CARMIL1: variants seen among roughly 807,000 people sequenced by gnomAD.
The protein encoded by CARMIL1 is F-actin-uncapping protein LRRC16A.
A neutral mutation model predicts 177.1 loss-of-function variants in CARMIL1; 90 were observed. That is an observed-to-expected ratio of 0.51 (90% CI 0.43 to 0.61). The LOEUF is 0.61. Ranked by LOEUF, CARMIL1 falls within the 20% of genes least tolerant of loss-of-function variation. The probability of loss-of-function intolerance (pLI) is 0.00; values close to 1 mark genes in which losing one functional copy is unlikely to be tolerated. For missense variants in CARMIL1, 1,380 were observed against 1,667.0 expected, an observed-to-expected ratio of 0.83 and a Z score of 3.00; for synonymous variants, 577 against 606.2, an observed-to-expected ratio of 0.95 and a Z score of 0.71.
chr6:25,557,013 G>A (rs1335671666), intron 29 of CARMIL1, among the ~76,000 whole-genome samples, 163 bp downstream of exon 29: 2 of 151,446 alleles, frequency 1.3e-5, no homozygotes, highest in Non-Finnish European at 2.9e-5. Context: ...CGCTAATGAA[G>A]TGAATAAAGC....
chr6:25,521,769 CAA>C (rs34016230), intron 23 of CARMIL1, among the ~76,000 whole-genome samples: 42 of 93,982 alleles, frequency 4.5e-4, no homozygotes, highest in South Asian at 3.8e-4. Flanking sequence ...GATTCCATCT[CAA>C]AAAAAAAAAA....
At chr6:25,371,663 T>C (rs1333087981) in intron 2 of CARMIL1, among the ~76,000 whole-genome samples, 1 of 152,218 alleles carries the variant, frequency 6.6e-6, no homozygotes, top group East Asian at 1.9e-4. Context: ...TGGGTATTAG[T>C]TCTTTGTAGG....
At chr6:25,495,889 A>G (rs1237552873) in intron 16 of CARMIL1, among the ~76,000 whole-genome samples, 1 of 152,136 alleles carries the variant, frequency 6.6e-6, no homozygotes, top group Non-Finnish European at 1.5e-5. Flanking sequence ...GTAGGGTCAA[A>G]TTCTCTTTGA....
chr6:25,579,968 T>A (rs1812978758), intron 29 of CARMIL1, among the ~76,000 whole-genome samples: 1 of 152,210 alleles, frequency 6.6e-6, no homozygotes, highest in African/African-American at 2.4e-5. Context: ...GTTCTTTCAG[T>A]TATGTTACCT....
intron 2 of CARMIL1, among the ~76,000 whole-genome samples, chr6:25,300,457 A>G (rs1436126744): frequency 6.6e-6 from 1 of 152,204 alleles, no homozygotes; most frequent in African/African-American, 2.4e-5. Context: ...ACTTGAGGCC[A>G]GGAGTTCGAG....
At chr6:25,311,539 G>T (rs985367139) in intron 2 of CARMIL1, among the ~76,000 whole-genome samples, 1 of 142,356 alleles carries the variant, frequency 7.0e-6, no homozygotes, top group Non-Finnish European at 1.5e-5. Flanking sequence ...GATATATAGA[G>T]CGGGGGAAAA....
intron 2 of CARMIL1, among the ~76,000 whole-genome samples, chr6:25,353,043 T>C (rs1033288477): frequency 1.3e-4 from 20 of 152,192 alleles, no homozygotes; most frequent in Non-Finnish European, 2.5e-4. Flanking sequence ...CTGCTATCTT[T>C]TGGCCATCAC....
intron 2 of CARMIL1, among the ~76,000 whole-genome samples, chr6:25,413,831 C>T (rs1448678500): frequency 6.6e-6 from 1 of 152,014 alleles, no homozygotes; most frequent in Non-Finnish European, 1.5e-5. Context: ...TTTAACTTTG[C>T]AAGAAAATTC....
At chr6:25,529,793 C>T (rs1360536844) in intron 24 of CARMIL1, among the ~76,000 whole-genome samples, 1 of 127,600 alleles carries the variant, frequency 7.8e-6, no homozygotes, top group Admixed American at 7.8e-5. Flanking sequence ...AAAGAATAGG[C>T]TGCTATGAAC....
chr6:25,495,538 CGT>C (rs144132253), intron 16 of CARMIL1, among the ~76,000 whole-genome samples: 65,111 of 144,704 alleles, frequency 0.45, 14,686 homozygotes, highest in South Asian at 0.56. Flanking sequence ...TTCGTTTGTT[CGT>C]GTGTGTGTGT....
chr6:25,382,888 G>A (rs1791716512), intron 2 of CARMIL1, among the ~76,000 whole-genome samples: 1 of 152,196 alleles, frequency 6.6e-6, no homozygotes, highest in East Asian at 1.9e-4. Context: ...GCCTGCCTGG[G>A]CCTCCCAAAG....
At chr6:25,279,912 T>C in intron 1 of CARMIL1, 77 bp downstream of exon 1, 1 of 1,525,664 alleles carries the variant, frequency 6.6e-7, no homozygotes, top group Non-Finnish European at 9.1e-7. Flanking sequence ...CACCTCTGCT[T>C]TCCCGCAGGT....
At chr6:25,382,914 C>A (rs1436653880) in intron 2 of CARMIL1, among the ~76,000 whole-genome samples, 1 of 152,192 alleles carries the variant, frequency 6.6e-6, no homozygotes, top group Non-Finnish European at 1.5e-5. Flanking sequence ...GGATTACAGG[C>A]ATGAGCCACA....
chr6:25,574,094 C>A (rs1382618352), intron 29 of CARMIL1, among the ~76,000 whole-genome samples: 1 of 152,154 alleles, frequency 6.6e-6, no homozygotes, highest in Non-Finnish European at 1.5e-5. Context: ...CTATTATGAT[C>A]TGGTTGGTGT....
At chr6:25,329,803 CAATG>C (rs902485999) in intron 2 of CARMIL1, among the ~76,000 whole-genome samples, 1 of 152,146 alleles carries the variant, frequency 6.6e-6, no homozygotes, top group African/African-American at 2.4e-5. Context: ...TTGAAGAAAA[CAATG>C]AAAAGATAAC....
chr6:25,313,167 A>G (rs1783973383), intron 2 of CARMIL1, among the ~76,000 whole-genome samples: 1 of 152,044 alleles, frequency 6.6e-6, no homozygotes, highest in South Asian at 2.1e-4. Context: ...TTCCCCACAT[A>G]GTAAACACAG....
At chr6:25,337,841 T>A (rs78857371) in intron 2 of CARMIL1, among the ~76,000 whole-genome samples, 2,276 of 152,334 alleles carry the variant, frequency 0.015, 23 homozygotes, top group Non-Finnish European at 0.023. Flanking sequence ...TAGCGACTAA[T>A]ATTTTGGCTC....
At chr6:25,324,706 A>G (rs1050443323) in intron 2 of CARMIL1, among the ~76,000 whole-genome samples, 7 of 152,222 alleles carry the variant, frequency 4.6e-5, no homozygotes, top group African/African-American at 1.4e-4. Flanking sequence ...TATCTGATAA[A>G]GTATATGGTA....
intron 28 of CARMIL1, 113 bp from the exon 29 acceptor site, chr6:25,556,588 T>G (rs1417926143): frequency 1.2e-6 from 1 of 853,102 alleles, no homozygotes; most frequent in Admixed American, 2.9e-5. Context: ...TCCTTGTCAC[T>G]CGTCAGCTTT....
Sources: gnomAD v4.1 joint callset for allele counts (sites outside exome capture counted in the v4.1 genomes callset) on GRCh38, gnomAD v4.1.1 for gene constraint, MANE v1.5 for transcripts, NCBI Gene and HGNC (gene_info 2026-07-23, HGNC 2026-07-21) for gene names.